The following MB21D2 variants were observed in gnomAD, a reference collection of about 807,000 sequenced individuals.
The protein encoded by MB21D2 is nucleotidyltransferase MB21D2.
MB21D2 carries 9 observed loss-of-function variants against 33.3 expected under a neutral mutation model. The ratio of observed to expected loss-of-function variants is 0.27; its 90% CI spans 0.16 to 0.47. The LOEUF is 0.47. MB21D2 is among the 20% of genes least tolerant of loss of function. The probability of loss-of-function intolerance (pLI) is 0.99; values close to 1 mark genes in which losing one functional copy is unlikely to be tolerated. For synonymous variants in MB21D2, 241 were observed against 236.3 expected (o/e 1.02, Z -0.18); for missense variants, 540 against 624.6 (o/e 0.86, Z 1.44).
chr3:192,806,140 A>AC (rs1326291797), intron 1 of MB21D2, among the ~76,000 whole-genome samples: 1 of 152,186 alleles, frequency 6.6e-6, no homozygotes, highest in African/African-American at 2.4e-5. Context: ...TCACCCAGGT[A>AC]CCCCATGGAA....
Position 192,917,758 on chromosome 3 carries a change from C to G in MB21D2, c.83G>C (p.Arg28Thr), listed in dbSNP as rs769079698. ...NKPAFPELDF[R>T]SGARVEELNK... ...CAATTCCTCCACCCGAGCTCCCGACCTGAAATCCAGCTCCGGGAACGCAGG... is the reference window on the plus strand; with the variant it reads ...CAATTCCTCCACCCGAGCTCCCGACGTGAAATCCAGCTCCGGGAACGCAGG... Residue 28 changes from arginine (R) to threonine (T), a missense_variant, in exon 1 of 2, where the codon AGG becomes ACG. Physicochemically the swap from Arg to Thr is moderately conservative, Grantham distance 71. Coordinates refer to ENST00000392452, the MANE Select transcript of MB21D2 (RefSeq NM_178496.4). The G allele has an allele frequency of 6.2e-7, 1 of 1,614,062 alleles. No homozygotes were observed. The highest frequency in any genetic ancestry group is 8.5e-7 in the Non-Finnish European group (1 of 1,180,036).
intron 1 of MB21D2, among the ~76,000 whole-genome samples, chr3:192,863,751 A>G (rs1713103794): frequency 6.6e-6 from 1 of 152,154 alleles, no homozygotes; most frequent in Non-Finnish European, 1.5e-5. Context: ...GCCCTCATGA[A>G]TGGGATTTCT....
intron 1 of MB21D2, among the ~76,000 whole-genome samples, chr3:192,847,135 T>C (rs1360147890): frequency 6.6e-6 from 1 of 152,150 alleles, no homozygotes; most frequent in Admixed American, 6.5e-5. Flanking sequence ...AAGCCTTCAT[T>C]AATCCCCCAG....
At chr3:192,816,089 A>T (rs950437285) in intron 1 of MB21D2, among the ~76,000 whole-genome samples, 4 of 152,176 alleles carry the variant, frequency 2.6e-5, no homozygotes, top group Non-Finnish European at 5.9e-5. Context: ...AAAGCTATCA[A>T]TTGTCCCAGG....
intron 1 of MB21D2, among the ~76,000 whole-genome samples, chr3:192,844,587 A>T (rs1712642719): frequency 1.3e-5 from 2 of 152,216 alleles, no homozygotes; most frequent in Admixed American, 1.3e-4. Flanking sequence ...ATGTCTCCTG[A>T]TATCTCTCCC....
At chr3:192,807,581 T>C (rs1293803615) in intron 1 of MB21D2, among the ~76,000 whole-genome samples, 2 of 151,912 alleles carry the variant, frequency 1.3e-5, no homozygotes, top group South Asian at 2.1e-4. Flanking sequence ...ACTTAATTAC[T>C]CCGAAACTGG....
rs147280418 is a variant in MB21D2, at chr3:192,870,337, C to A, written c.211+47293G>T. On this transcript the variant is annotated intron_variant, in intron 1 of 1. Transcript: ENST00000392452. The stretch of plus-strand genomic sequence containing the variant: ...ATTTAAAGCCCAAGACTAGTGAGCA[C>A]GACGAGTGAGCACATTGGATCTGAT... Among the ~76,000 whole-genome samples, 858 of 152,220 alleles carry A rather than the reference C, an allele frequency of 5.6e-3. 5 individuals carry two copies. The highest frequency in any genetic ancestry group is 0.01 in the Middle Eastern group (3 of 294).
intron 1 of MB21D2, among the ~76,000 whole-genome samples, chr3:192,848,661 C>CA (rs1202921179): frequency 1.3e-5 from 2 of 152,216 alleles, no homozygotes; most frequent in Non-Finnish European, 2.9e-5. Flanking sequence ...ACCAACCCGT[C>CA]AGAGTTTTAT....
At chr3:192,811,851 A>G (rs1560227527) in intron 1 of MB21D2, among the ~76,000 whole-genome samples, 1 of 152,200 alleles carries the variant, frequency 6.6e-6, no homozygotes, top group Non-Finnish European at 1.5e-5. Flanking sequence ...TTGTTCAAAC[A>G]GACCTTACTT....
At chr3:192,866,958 G>A (rs917562946) in intron 1 of MB21D2, among the ~76,000 whole-genome samples, 1 of 152,176 alleles carries the variant, frequency 6.6e-6, no homozygotes, top group Admixed American at 6.5e-5. Context: ...CCAGAAGGGA[G>A]AAGGAATGGG....
chr3:192,849,149 T>TG (rs1180007101), intron 1 of MB21D2, among the ~76,000 whole-genome samples: 1 of 152,162 alleles, frequency 6.6e-6, no homozygotes, highest in Non-Finnish European at 1.5e-5. Flanking sequence ...CTCTGGCCAC[T>TG]GGAGTGACAA....
chr3:192,866,896 G>A (rs56042321), intron 1 of MB21D2, among the ~76,000 whole-genome samples: 1 of 151,856 alleles, frequency 6.6e-6, no homozygotes, highest in African/African-American at 2.4e-5. Context: ...CACACACCTA[G>A]AAACTGACAT....
At chr3:192,870,753 T>C (rs560156695) in intron 1 of MB21D2, among the ~76,000 whole-genome samples, 28 of 112,518 alleles carry the variant, frequency 2.5e-4, no homozygotes, top group African/African-American at 8.4e-4. Flanking sequence ...GGAAGGAAGA[T>C]TGCAAAGGCT....
At chr3:192,854,949 T>C (rs1712884407) in intron 1 of MB21D2, among the ~76,000 whole-genome samples, 1 of 152,212 alleles carries the variant, frequency 6.6e-6, no homozygotes, top group African/African-American at 2.4e-5. Flanking sequence ...GACAATGCAC[T>C]TGGTCACTCA....
chr3:192,878,219 C>A (rs1713483669), intron 1 of MB21D2, among the ~76,000 whole-genome samples: 2 of 151,816 alleles, frequency 1.3e-5, no homozygotes, highest in African/African-American at 4.8e-5. Context: ...CTTATCCTCA[C>A]CTCAACACCC....
At position 192,844,915 on chromosome 3, in the gene MB21D2, T is replaced by C. The variant is rs539599607; in HGVS notation, c.212-45265A>G. On this transcript the variant is annotated intron_variant, in intron 1 of 1. Transcript: ENST00000392452. ...AGCCTCCCATCTCTCGGCCAGGCGG[T>C]TGGCAGCCTCTTTCTCTTTTTTCCT... Among the ~76,000 whole-genome samples, 14 of 152,326 alleles carry C rather than the reference T, an allele frequency of 9.2e-5. No individual in the cohort carries two copies. The East Asian group carries it at 1.7e-3, about 19-fold the overall frequency.
chr3:192,818,070 T>A (rs1560229591), intron 1 of MB21D2, among the ~76,000 whole-genome samples: 1 of 151,960 alleles, frequency 6.6e-6, no homozygotes, highest in Non-Finnish European at 1.5e-5. Flanking sequence ...TCCTGCCAAT[T>A]CTACCCACCT....
At chr3:192,905,856 G>T (rs988389374) in intron 1 of MB21D2, among the ~76,000 whole-genome samples, 3 of 151,676 alleles carry the variant, frequency 2.0e-5, no homozygotes, top group African/African-American at 7.3e-5. Context: ...GAAAAGGAAA[G>T]GAAAAGAAAA....
At chr3:192,840,473 C>A (rs1475138726) in intron 1 of MB21D2, among the ~76,000 whole-genome samples, 2 of 112,360 alleles carry the variant, frequency 1.8e-5, no homozygotes, top group Non-Finnish European at 3.3e-5. Context: ...GAAGCTAAGT[C>A]GTGGTATCCA....
Sources: gnomAD v4.1 joint callset for allele counts (sites outside exome capture counted in the v4.1 genomes callset) on GRCh38, gnomAD v4.1.1 for gene constraint, MANE v1.5 for transcripts, NCBI Gene and HGNC (gene_info 2026-07-23, HGNC 2026-07-21) for gene names.